The following ADK variants were observed in gnomAD, a reference collection of about 807,000 sequenced individuals.
ADK encodes the protein N6,N6-dimethyladenosine kinase.
A neutral mutation model predicts 44.7 loss-of-function variants in ADK; 24 were observed. That is an observed-to-expected ratio of 0.54 (90% confidence interval 0.39 to 0.76). The LOEUF (loss-of-function observed/expected upper bound fraction) is 0.76, where lower values mean the gene tolerates loss of function less well. ADK is among the 30% of genes least tolerant of loss of function. The probability of loss-of-function intolerance (pLI) is 0.00; values close to 1 mark genes in which losing one functional copy is unlikely to be tolerated. For missense variants in ADK, 321 were observed against 425.1 expected, an observed-to-expected ratio of 0.76 and a Z score of 2.15; for synonymous variants, 128 against 142.6, an observed-to-expected ratio of 0.90 and a Z score of 0.73.
At chr10:74,355,515 T>C (rs1456802698) in intron 4 of ADK, among the ~76,000 whole-genome samples, 3 of 152,242 alleles carry the variant, frequency 2.0e-5, no homozygotes, top group Non-Finnish European at 4.4e-5. Context: ...TTGTTCCACA[T>C]AACTTTTATC....
intron 9 of ADK, among the ~76,000 whole-genome samples, chr10:74,608,342 C>A (rs1294780374): frequency 6.6e-6 from 1 of 152,034 alleles, no homozygotes; most frequent in Non-Finnish European, 1.5e-5. Context: ...AGCCTTTTTG[C>A]ACTGGTTTTT....
chr10:74,477,136 A>G (rs1326557687), intron 6 of ADK, among the ~76,000 whole-genome samples: 2 of 152,020 alleles, frequency 1.3e-5, no homozygotes, highest in Non-Finnish European at 2.9e-5. Context: ...AATTTGTGAG[A>G]CTTGTATTTT....
intron 6 of ADK, among the ~76,000 whole-genome samples, chr10:74,454,075 T>TG (rs1315382518): frequency 6.6e-6 from 1 of 152,180 alleles, no homozygotes; most frequent in Non-Finnish European, 1.5e-5. Flanking sequence ...AGGTCATAAG[T>TG]AAGAATGTTA....
intron 9 of ADK, 111 bp from the exon 10 acceptor site, chr10:74,670,072 C>T: frequency 1.2e-6 from 1 of 854,730 alleles, no homozygotes; most frequent in Non-Finnish European, 2.0e-6. Flanking sequence ...AGCTTATGTC[C>T]TGTCTCTCTT....
At chr10:74,405,392 A>G (rs375713932) in intron 6 of ADK, among the ~76,000 whole-genome samples, 2 of 151,886 alleles carry the variant, frequency 1.3e-5, no homozygotes. Flanking sequence ...CAAATGTGAA[A>G]AATCTAATTT....
chr10:74,588,878 A>AT (rs1383290378), intron 7 of ADK, among the ~76,000 whole-genome samples: 1 of 152,126 alleles, frequency 6.6e-6, no homozygotes, highest in Non-Finnish European at 1.5e-5. Context: ...CAAAAAGATG[A>AT]TTTTTCTGAA....
chr10:74,624,963 C>T (rs915772473), intron 9 of ADK, among the ~76,000 whole-genome samples: 2 of 152,088 alleles, frequency 1.3e-5, no homozygotes, highest in South Asian at 2.1e-4. Flanking sequence ...AACCTCTAAT[C>T]TCAAGCAGGA....
At chr10:74,484,724 A>C (rs1847205041) in intron 6 of ADK, among the ~76,000 whole-genome samples, 1 of 152,196 alleles carries the variant, frequency 6.6e-6, no homozygotes, top group South Asian at 2.1e-4. Flanking sequence ...GCAGTTCGCT[A>C]TTAGGACAGT....
At chr10:74,464,841 AAAAG>A (rs936179592) in intron 6 of ADK, among the ~76,000 whole-genome samples, 2 of 151,912 alleles carry the variant, frequency 1.3e-5, no homozygotes, top group African/African-American at 4.8e-5. Flanking sequence ...ATTTAAGAAA[AAAAG>A]AGAGAGAGAG....
At chr10:74,385,390 AATTG>A (rs1843108891) in intron 4 of ADK, among the ~76,000 whole-genome samples, 3 of 152,144 alleles carry the variant, frequency 2.0e-5, no homozygotes, top group Non-Finnish European at 4.4e-5. Context: ...TATAGATGAT[AATTG>A]AAACCATGAG....
intron 9 of ADK, among the ~76,000 whole-genome samples, chr10:74,647,617 GAC>G (rs1854100134): frequency 6.6e-6 from 1 of 152,064 alleles, no homozygotes; most frequent in African/African-American, 2.4e-5. Context: ...TACTAATTCT[GAC>G]ACATGTATAG....
chr10:74,492,497 T>A (rs1847525197), intron 6 of ADK, among the ~76,000 whole-genome samples: 1 of 152,110 alleles, frequency 6.6e-6, no homozygotes, highest in Non-Finnish European at 1.5e-5. Context: ...TCATGGACTG[T>A]TATAAAGGCA....
intron 7 of ADK, among the ~76,000 whole-genome samples, chr10:74,547,057 T>C (rs1332952495): frequency 2.0e-5 from 3 of 152,186 alleles, no homozygotes; most frequent in African/African-American, 7.2e-5. Flanking sequence ...TTTATTTTTA[T>C]TCCACACACT....
chr10:74,431,066 C>CAAAAAA (rs35141788), intron 6 of ADK, among the ~76,000 whole-genome samples: 3 of 57,228 alleles, frequency 5.2e-5, no homozygotes, highest in Non-Finnish European at 5.9e-5. Flanking sequence ...GACTCCGTCT[C>CAAAAAA]AAAAAAAAAA....
At chr10:74,617,968 C>T (rs1852839726) in intron 9 of ADK, among the ~76,000 whole-genome samples, 2 of 152,110 alleles carry the variant, frequency 1.3e-5, no homozygotes, top group Non-Finnish European at 2.9e-5. Flanking sequence ...ATGCATTGAA[C>T]CTTTTACCTT....
At chr10:74,493,777 G>A (rs1179752714) in intron 6 of ADK, among the ~76,000 whole-genome samples, 1 of 152,008 alleles carries the variant, frequency 6.6e-6, no homozygotes, top group East Asian at 1.9e-4. Flanking sequence ...AAAGGTCATA[G>A]GAAATGTTAA....
intron 1 of ADK, among the ~76,000 whole-genome samples, chr10:74,188,350 T>A (rs1213166139): frequency 7.0e-6 from 1 of 143,374 alleles, no homozygotes; most frequent in Non-Finnish European, 1.5e-5. Flanking sequence ...TTAATTTTTT[T>A]TTTTTTTTTT....
chr10:74,566,009 A>G (rs1335679541), intron 7 of ADK, among the ~76,000 whole-genome samples: 1 of 152,096 alleles, frequency 6.6e-6, no homozygotes, highest in Non-Finnish European at 1.5e-5. Context: ...CAGATGCCTT[A>G]TCTTTTATTG....
rs1242604469 is a variant in ADK, at chr10:74,674,747, CG to C, written c.964+4479del. Among the ~76,000 whole-genome samples, 5 of 151,978 alleles carry C rather than the reference CG, an allele frequency of 3.3e-5. No individual in the cohort carries two copies. In the East Asian group the frequency reaches 9.7e-4, roughly 29 times the overall value. Reference sequence around the variant, plus strand: ...AAATAGAAAAATTAGCCGGGCATGGCGTTGCATGCCTGAAGTCCCAGCAACT... The same window carrying C: ...AAATAGAAAAATTAGCCGGGCATGGCTTGCATGCCTGAAGTCCCAGCAACT... On this transcript the variant is annotated intron_variant, in intron 10 of 10. Coordinates refer to ENST00000539909, the MANE Select transcript of ADK (RefSeq NM_006721.4).
Sources: gnomAD v4.1 joint callset for allele counts (sites outside exome capture counted in the v4.1 genomes callset) on GRCh38, gnomAD v4.1.1 for gene constraint, MANE v1.5 for transcripts, NCBI Gene and HGNC (gene_info 2026-07-23, HGNC 2026-07-21) for gene names.